The following CA5B variants were observed in gnomAD, a reference collection of about 807,000 sequenced individuals.
The protein encoded by CA5B is carbonic anhydrase 5B, mitochondrial.
Under a neutral mutation model 23.1 loss-of-function variants are expected in CA5B, and 15 were observed. The observed-to-expected ratio is 0.65, with a 90% confidence interval of 0.43 to 1.00. CA5B has a LOEUF of 1.00. Ranked by LOEUF, CA5B falls within the 50% of genes least tolerant of loss-of-function variation. CA5B has a pLI of 0.00. For synonymous variants in CA5B, 84 were observed against 98.5 expected (o/e 0.85, Z 0.87); for missense variants, 236 against 252.2 (o/e 0.94, Z 0.43).
intron 3 of CA5B, chrX:15,769,640 C>G: frequency 1.4e-6 from 1 of 716,977 alleles, no homozygotes; most frequent in African/African-American, 2.3e-5. Context: ...TTCTCCTTCC[C>G]TGTTTTAGGT....
intron 1 of CA5B, 141 bp from the exon 2 acceptor site, chrX:15,749,825 GATAAA>G: frequency 7.1e-6 from 3 of 421,731 alleles, no homozygotes; most frequent in Non-Finnish European, 1.2e-5. Flanking sequence ...AACAAGAGTG[GATAAA>G]CCGTTGACTC....
At chrX:15,753,282 G>C (rs1184997718) in intron 2 of CA5B, among the ~76,000 whole-genome samples, 1 of 112,742 alleles carries the variant, frequency 8.9e-6, no homozygotes, top group African/African-American at 3.2e-5. Flanking sequence ...GGGGCTTACA[G>C]GTCATAAGTA....
chrX:15,761,074 A>G (rs1387101842), intron 2 of CA5B, among the ~76,000 whole-genome samples: 1 of 112,080 alleles, frequency 8.9e-6, no homozygotes, highest in Non-Finnish European at 1.9e-5. Flanking sequence ...ATTATATGTT[A>G]TTGGATAAAA....
In CA5B at chrX:15,775,287, T is replaced by C. The variant is rs754329951; in HGVS notation, c.597T>C (p.Thr199=). The C allele has an allele frequency of 8.3e-7, 1 of 1,201,642 alleles. No homozygotes were observed. Among genetic ancestry groups the C allele is most frequent in the Admixed American group, 2.2e-5 (1 of 45,289 alleles). ...AGGAGCTACAGAAATTAGTGGATAC[T>C]TTGCCGTCAATTAAGCATAAGGTAC... ...HHKELQKLVD[T]LPSIKHKDAL... The change falls in exon 6 of 8, where the codon ACT becomes ACC. Residue 199 remains threonine, a synonymous_variant. Coordinates refer to ENST00000318636, the MANE Select transcript of CA5B (RefSeq NM_007220.4).
intron 3 of CA5B, among the ~76,000 whole-genome samples, chrX:15,770,203 C>G (rs910983705): frequency 9.1e-6 from 1 of 109,606 alleles, no homozygotes; most frequent in Admixed American, 9.8e-5. Context: ...ATTCCAGCTT[C>G]TTGGGGAGGC....
chrX:15,772,152 C>T (rs2147266281), intron 3 of CA5B, among the ~76,000 whole-genome samples: 1 of 112,061 alleles, frequency 8.9e-6, no homozygotes, highest in African/African-American at 3.2e-5. Flanking sequence ...CCCCATATTT[C>T]AGTATTATAA....
At position 15,778,774 on chromosome X, in the gene CA5B, A is replaced by G. The variant is rs1164367507; in HGVS notation, c.774+1905A>G. Among the ~76,000 whole-genome samples the G allele has an allele frequency of 2.7e-5, 3 of 110,524 alleles. No individual in the cohort carries two copies. In the East Asian group the frequency reaches 8.6e-4, roughly 32 times the overall value. ...AGAAGAGAGAGAGAGAGATGGGGGA[A>G]GTGCCACACACTTTTAAACCGTCAG... On this transcript the variant is annotated intron_variant, in intron 7 of 7. Coordinates refer to ENST00000318636, the MANE Select transcript of CA5B (RefSeq NM_007220.4).
intron 1 of CA5B, chrX:15,745,810 G>T (rs1320435671): frequency 9.6e-6 from 1 of 104,496 alleles, no homozygotes; most frequent in Non-Finnish European, 2.0e-5. Context: ...TTGTTTGTTT[G>T]GGGATATTTA....
At chrX:15,749,938 A>G (rs1400446578) in intron 1 of CA5B, 33 bp from the exon 2 acceptor site, 1 of 1,083,632 alleles carries the variant, frequency 9.2e-7, no homozygotes, top group Non-Finnish European at 1.2e-6. Context: ...TCTGTTGTTT[A>G]CAGCTTTCCC....
rs771634360 is a variant in CA5B at position 15,785,514 on chromosome X, T to C, written c.*2850T>C. Reference sequence around the variant, plus strand: ...TAGAAAGGTGGTTGCCAAGCAACGGTTGGGGGAAGGGGAGAGGGTGAATTT... The same window carrying C: ...TAGAAAGGTGGTTGCCAAGCAACGGCTGGGGGAAGGGGAGAGGGTGAATTT... On this transcript the variant is annotated 3_prime_UTR_variant, in exon 8 of 8. Transcript: ENST00000318636. 8.4e-4 allele frequency: 94 copies of C among 111,614 alleles called. No homozygotes were observed. The highest frequency in any genetic ancestry group is 2.9e-3 in the African/African-American group (90 of 30,779). The allele number at this position is 111,614 out of a possible 1,213,427, so 9.2% of individuals were successfully genotyped here.
chrX:15,769,048 T>C (rs1333226449), intron 3 of CA5B, among the ~76,000 whole-genome samples: 2 of 111,247 alleles, frequency 1.8e-5, no homozygotes, highest in Admixed American at 1.9e-4. Flanking sequence ...ATCTCAGCTT[T>C]CCGCCTTAAG....
intron 6 of CA5B, chrX:15,775,705 C>G (rs746102780): frequency 7.8e-5 from 59 of 756,051 alleles, no homozygotes; most frequent in Middle Eastern, 1.5e-3. Flanking sequence ...AATCCACATC[C>G]TTCAGGTCGG....
chrX:15,772,747 A>C (rs1293476813), intron 4 of CA5B, 133 bp downstream of exon 4: 1 of 404,976 alleles, frequency 2.5e-6, no homozygotes. Context: ...AGTTTTGATC[A>C]TTCTCAGCTA....
intron 3 of CA5B, among the ~76,000 whole-genome samples, chrX:15,765,710 C>T (rs1033560544): frequency 9.1e-6 from 1 of 109,887 alleles, no homozygotes; most frequent in Non-Finnish European, 1.9e-5. Flanking sequence ...TCTAGTGTGT[C>T]AAAGTCAGGG....
Position 15,782,504 on chromosome X carries a change from T to C in CA5B, c.794T>C (p.Leu265Pro). The C allele has an allele frequency of 8.3e-7, 1 of 1,211,205 alleles. No homozygotes were observed. ...TTCTAGCTTGAGCAATTTCGGACCC[T>C]GCTTTTCACTTCCGAAGGGGAGAAA... Reference protein sequence around the residue: ...DHDQLEQFRTLLFTSEGEKEK... With the variant: ...DHDQLEQFRTPLFTSEGEKEK... Residue 265 changes from leucine (L) to proline (P), a missense_variant, in exon 8 of 8, where the codon CTG becomes CCG. Coordinates refer to ENST00000318636, the MANE Select transcript of CA5B (RefSeq NM_007220.4).
At chrX:15,763,507 GAT>G (rs767616447) in intron 2 of CA5B, among the ~76,000 whole-genome samples, 39 of 112,200 alleles carry the variant, frequency 3.5e-4, no homozygotes, top group African/African-American at 1.2e-3. Context: ...AGCAGACTGA[GAT>G]GTGTTGGTTT....
intron 2 of CA5B, among the ~76,000 whole-genome samples, chrX:15,758,174 A>G (rs1278108250): frequency 1.8e-5 from 2 of 112,285 alleles, no homozygotes; most frequent in Non-Finnish European, 1.9e-5. Context: ...TTGGGCTGCT[A>G]TAACAAAGTA....
intron 3 of CA5B, among the ~76,000 whole-genome samples, chrX:15,771,010 C>T (rs973827796): frequency 2.8e-5 from 3 of 106,787 alleles, no homozygotes; most frequent in Non-Finnish European, 3.9e-5. Flanking sequence ...CCTCATGATC[C>T]GCCCGCCTCA....
At chrX:15,764,438 C>T in intron 2 of CA5B, 140 bp from the exon 3 acceptor site, 1 of 949,502 alleles carries the variant, frequency 1.1e-6, no homozygotes, top group Non-Finnish European at 1.4e-6. Context: ...CAGGGTTTCG[C>T]CGTGTTTCCT....
Sources: gnomAD v4.1 joint callset for allele counts (sites outside exome capture counted in the v4.1 genomes callset) on GRCh38, gnomAD v4.1.1 for gene constraint, MANE v1.5 for transcripts, NCBI Gene and HGNC (gene_info 2026-07-23, HGNC 2026-07-21) for gene names.